Variants in LLGL1 observed in about 807,000 individuals in gnomAD.
LLGL1 encodes LLGL scribble cell polarity complex component 1, also known as lethal(2) giant larvae protein homolog 1.
Under a neutral mutation model 110.6 loss-of-function variants are expected in LLGL1, and 58 were observed. That is an observed-to-expected ratio of 0.52 (90% CI 0.42 to 0.65). LLGL1 has a LOEUF of 0.65. Among genes scored for constraint, LLGL1 ranks in the 30% least tolerant of loss-of-function variants. The probability of loss-of-function intolerance (pLI) is 0.00; values close to 1 mark genes in which losing one functional copy is unlikely to be tolerated. For synonymous variants in LLGL1, 674 were observed against 607.2 expected, an observed-to-expected ratio of 1.11 and a Z score of -1.62; for missense variants, 1,229 against 1,462.1, an observed-to-expected ratio of 0.84 and a Z score of 2.60.
Position 18,241,452 on chromosome 17 carries a change from T to G in LLGL1, c.2504T>G (p.Val835Gly). 1 of 1,611,472 alleles carries G rather than the reference T, an allele frequency of 6.2e-7. No individual in the cohort carries two copies. Among genetic ancestry groups the G allele is most frequent in the Non-Finnish European group, 8.5e-7 (1 of 1,179,064 alleles). Residue 835 changes from valine to glycine, a missense_variant and splice_region_variant, in exon 18 of 23, where the codon GTG becomes GGG. Coordinates refer to ENST00000316843, the MANE Select transcript of LLGL1 (RefSeq NM_004140.4). ...VLIASEEQFK[V>G]FTLPKVSAKT... ...TGCTCACCAGCCACCTGCTGTCAGG[T>G]GTTCACACTGCCCAAGGTGAGCGCG...
intron 11 of LLGL1, 118 bp from the exon 12 acceptor site, chr17:18,236,489 C>T: frequency 1.0e-6 from 1 of 998,522 alleles, no homozygotes; most frequent in Non-Finnish European, 1.5e-6. Context: ...AAGTAGGATT[C>T]CGGTCAGTGT....
At chr17:18,227,968 C>CT (rs1161036297) in intron 1 of LLGL1, among the ~76,000 whole-genome samples, 1 of 152,116 alleles carries the variant, frequency 6.6e-6, no homozygotes, top group East Asian at 1.9e-4. Context: ...ACTTTGGACT[C>CT]TGAGTCTTGG....
intron 10 of LLGL1, 60 bp from the exon 11 acceptor site, chr17:18,235,410 G>A: frequency 6.2e-7 from 1 of 1,608,972 alleles, no homozygotes; most frequent in Non-Finnish European, 8.5e-7. Flanking sequence ...CATACTCGGG[G>A]TGAGAGGGAG....
chr17:18,238,499 A>G lies in LLGL1; in HGVS notation c.2096A>G (p.His699Arg). The G allele has an allele frequency of 6.2e-7, 1 of 1,612,414 alleles. No homozygotes were observed. Among genetic ancestry groups the G allele is most frequent in the Non-Finnish European group, 8.5e-7 (1 of 1,179,952 alleles). Residue 699 changes from histidine (H) to arginine (R), a missense_variant, in exon 16 of 23, where the codon CAC becomes CGC. Physicochemically the swap from His to Arg is conservative, Grantham distance 29. Transcript: ENST00000316843. ...NAQLAEQACP[H>R]DVEMTPVQRR... ...CAGCTGGCTGAGCAGGCCTGCCCCC[A>G]CGACGTGGAGATGACGCCCGTGCAG...
At chr17:18,237,821 G>T (rs1310140338) in intron 14 of LLGL1, 48 bp downstream of exon 14, 3 of 1,554,662 alleles carry the variant, frequency 1.9e-6, no homozygotes, top group African/African-American at 2.7e-5. Context: ...CAGCGAGATG[G>T]GGTCTGGGCT....
At position 18,225,768 on chromosome 17, in the gene LLGL1, G is replaced by T; in HGVS notation, c.81+5G>T. 1 of 1,017,914 alleles carries T rather than the reference G, an allele frequency of 9.8e-7. No individual in the cohort carries two copies. Among genetic ancestry groups the T allele is most frequent in the Non-Finnish European group, 1.2e-6 (1 of 847,026 alleles). 63.1% of individuals were successfully genotyped at this position (1,017,914 alleles called of 1,614,324 possible). A position where few individuals can be genotyped will look rare whatever the true frequency, so the allele number is the denominator to read the frequency against. ...GAGCTTTTCGCCTTCAACAAGGTGC[G>T]GCGGCGGCCCGGGCCCGGGCTCGGG... On this transcript the variant is annotated splice_donor_5th_base_variant and intron_variant, in intron 1 of 22. Coordinates refer to ENST00000316843, the MANE Select transcript of LLGL1 (RefSeq NM_004140.4).
chr17:18,238,723 G>A (rs2047754037), intron 16 of LLGL1, 114 bp downstream of exon 16: 1 of 1,107,662 alleles, frequency 9.0e-7, no homozygotes, highest in South Asian at 1.4e-5. Flanking sequence ...CTTCCAGGAG[G>A]TGGCTGGGCA....
In LLGL1 at chr17:18,235,483, C is replaced by G. The variant is rs1446500828; in HGVS notation, c.1298C>G (p.Thr433Ser). The G allele has an allele frequency of 6.2e-7, 1 of 1,614,078 alleles. No individual in the cohort carries two copies. Among genetic ancestry groups the G allele is most frequent in the Non-Finnish European group, 8.5e-7 (1 of 1,180,002 alleles). The stretch of plus-strand genomic sequence containing the variant: ...ACCCCCTCCCAGAGCTGGCCCATCA[C>G]TGGGGGCCGAAACCTGGCCCAGGAG... ...PVSSALSWPI[T>S]GGRNLAQEPS... is the part of the protein sequence containing the mutation. Residue 433 changes from threonine to serine, a missense_variant, in exon 11 of 23, where the codon ACT becomes AGT. Thr to Ser is a moderately conservative substitution (Grantham distance 58). Coordinates refer to ENST00000316843, the MANE Select transcript of LLGL1 (RefSeq NM_004140.4).
At chr17:18,237,093 TG>T in intron 13 of LLGL1, 154 bp downstream of exon 13, 1 of 657,400 alleles carries the variant, frequency 1.5e-6, no homozygotes, top group Non-Finnish European at 2.6e-6. Context: ...TGAGGACAGA[TG>T]GGAAGTGGGC....
rs2047432651 is a variant in LLGL1 at position 18,226,030 on chromosome 17, G to T, written c.81+267G>T. On this transcript the variant is annotated intron_variant, in intron 1 of 22. Coordinates refer to ENST00000316843, the MANE Select transcript of LLGL1 (RefSeq NM_004140.4). ...TCTGGCCCTGGCTCTGCCAGTCTGT[G>T]TGTGTGGGGGTCTGTCTCTGAGACT... 2.6e-5 allele frequency among the ~76,000 whole-genome samples: 4 copies of T among 152,094 alleles called. No individual in the cohort carries two copies. In the South Asian group the frequency reaches 8.3e-4, roughly 32 times the overall value.
intron 2 of LLGL1, among the ~76,000 whole-genome samples, chr17:18,231,944 C>T (rs1459688420): frequency 6.6e-6 from 1 of 152,198 alleles, no homozygotes; most frequent in Admixed American, 6.5e-5. Flanking sequence ...AGGAGCGAGC[C>T]ACCGTGCCCA....
intron 1 of LLGL1, among the ~76,000 whole-genome samples, chr17:18,229,511 C>T (rs376009026): frequency 2.2e-4 from 34 of 152,266 alleles, no homozygotes; most frequent in African/African-American, 7.0e-4. Context: ...GGGACTCCTC[C>T]GCAAGCTTTA....
rs752002417 is a variant in LLGL1 at position 18,241,911 on chromosome 17, T to C, written c.2794T>C (p.Phe932Leu). The change falls in exon 19 of 23, where the codon TTT (phenylalanine) becomes CTT (leucine). Residue 932 changes from phenylalanine (F) to leucine (L), a missense_variant. Phe to Leu is a conservative substitution (Grantham distance 22). Coordinates refer to ENST00000316843, the MANE Select transcript of LLGL1 (RefSeq NM_004140.4). ...CTTTTACCTGATATCCCCATCAGAATTTGAACGCTTCTCCCTAAGTGCCCG... is the reference window on the plus strand; with the variant it reads ...CTTTTACCTGATATCCCCATCAGAACTTGAACGCTTCTCCCTAAGTGCCCG... Reference protein sequence around the residue: ...QGFYLISPSEFERFSLSARNI... With the variant: ...QGFYLISPSELERFSLSARNI... 4 of 1,614,096 alleles carry C rather than the reference T, an allele frequency of 2.5e-6. No homozygotes were observed. The highest frequency in any genetic ancestry group is 3.4e-6 in the Non-Finnish European group (4 of 1,179,940).
chr17:18,237,768 G>T lies in LLGL1; in HGVS notation c.1899G>T (p.Leu633=). 1 of 1,601,304 alleles carries T rather than the reference G, an allele frequency of 6.2e-7. No homozygotes were observed. The highest frequency in any genetic ancestry group is 8.5e-7 in the Non-Finnish European group (1 of 1,171,704). ...ACTACCAGCGCAAGAGCCCTGTGCTGGCCAGGTGTGTGGGGTGGGGCCGGC... is the reference window on the plus strand; with the variant it reads ...ACTACCAGCGCAAGAGCCCTGTGCTTGCCAGGTGTGTGGGGTGGGGCCGGC... ...LFDYQRKSPV[L]ARCTLHPNDS... The change falls in exon 14 of 23, where the codon CTG becomes CTT. Residue 633 remains leucine (L), a synonymous_variant. Coordinates refer to ENST00000316843, the MANE Select transcript of LLGL1 (RefSeq NM_004140.4).
At position 18,232,693 on chromosome 17, in the gene LLGL1, G is replaced by C; in HGVS notation, c.283G>C (p.Asp95His). The part of the protein sequence containing the change: ...TGQGRLLSLL[D>H]DSSLHLWEIV... ...CCAGGGCCGCCTCCTGTCCCTGCTT[G>C]ATGACAGCAGTCTGCATCTCTGGGA... Residue 95 changes from aspartate to histidine, a missense_variant, in exon 4 of 23, where the codon GAT becomes CAT. Physicochemically the swap from Asp to His is moderately conservative, Grantham distance 81. Coordinates refer to ENST00000316843, the MANE Select transcript of LLGL1 (RefSeq NM_004140.4). 1 of 1,614,194 alleles carries C rather than the reference G, an allele frequency of 6.2e-7. No homozygotes were observed. Among genetic ancestry groups the C allele is most frequent in the Non-Finnish European group, 8.5e-7 (1 of 1,180,024 alleles).
At chr17:18,243,110 G>GTT (rs1309334810) in intron 22 of LLGL1, among the ~76,000 whole-genome samples, 1 of 152,022 alleles carries the variant, frequency 6.6e-6, no homozygotes, top group Non-Finnish European at 1.5e-5. Flanking sequence ...GTTTTGTTTT[G>GTT]TTTTGTTTTG....
chr17:18,243,044 G>GC (rs1334620346), intron 22 of LLGL1, among the ~76,000 whole-genome samples: 4 of 152,256 alleles, frequency 2.6e-5, no homozygotes, highest in Non-Finnish European at 4.4e-5. Context: ...AGCAGGGCCA[G>GC]CCCCTCAGCC....
At chr17:18,226,588 C>T (rs965835770) in intron 1 of LLGL1, among the ~76,000 whole-genome samples, 65 of 152,252 alleles carry the variant, frequency 4.3e-4, no homozygotes, top group African/African-American at 1.5e-3. Context: ...CGTGGGGCCT[C>T]AGTTTCCCTA....
At chr17:18,233,748 C>A in intron 4 of LLGL1, 30 bp from the exon 5 acceptor site, 1 of 1,595,252 alleles carries the variant, frequency 6.3e-7, no homozygotes, top group Non-Finnish European at 8.6e-7. Context: ...TGGGCTTGTA[C>A]CCTCACTCCC....
Sources: gnomAD v4.1 joint callset for allele counts (sites outside exome capture counted in the v4.1 genomes callset) on GRCh38, gnomAD v4.1.1 for gene constraint, MANE v1.5 for transcripts, NCBI Gene and HGNC (gene_info 2026-07-23, HGNC 2026-07-21) for gene names.